Variants in ADGRL2 observed in about 807,000 individuals in gnomAD.
The protein encoded by ADGRL2 is calcium-independent alpha-latrotoxin receptor 2.
In ADGRL2, 44 loss-of-function variants were observed where a neutral mutation model predicts 157.4. The ratio of observed to expected loss-of-function variants is 0.28; its 90% CI spans 0.22 to 0.36. The LOEUF (loss-of-function observed/expected upper bound fraction) is 0.36, where lower values mean the gene tolerates loss of function less well. ADGRL2 is among the 10% of genes least tolerant of loss of function. The pLI is 1.00. For synonymous variants in ADGRL2, 585 were observed against 624.7 expected, an observed-to-expected ratio of 0.94 and a Z score of 0.95; for missense variants, 1,510 against 1,768.9, an observed-to-expected ratio of 0.85 and a Z score of 2.63.
intron 3 of ADGRL2, among the ~76,000 whole-genome samples, chr1:81,652,296 T>C (rs897801631): frequency 8.5e-5 from 13 of 152,202 alleles, no homozygotes; most frequent in African/African-American, 2.9e-4. Context: ...TCCTTATAAA[T>C]GTTAAGTCCA....
At chr1:81,954,632 C>G (rs528112912) in intron 10 of ADGRL2, among the ~76,000 whole-genome samples, 1 of 151,976 alleles carries the variant, frequency 6.6e-6, no homozygotes, top group African/African-American at 2.4e-5. Flanking sequence ...TAATGGCTGC[C>G]GCAGTATCAG....
intron 3 of ADGRL2, among the ~76,000 whole-genome samples, chr1:81,692,145 G>A (rs973854649): frequency 6.6e-6 from 1 of 151,606 alleles, no homozygotes; most frequent in South Asian, 2.1e-4. Context: ...GGTGGCTCAC[G>A]CCTGTAATCC....
At chr1:81,913,713 T>TA (rs1274954858) in intron 3 of ADGRL2, among the ~76,000 whole-genome samples, 1 of 152,102 alleles carries the variant, frequency 6.6e-6, no homozygotes, top group Non-Finnish European at 1.5e-5. Flanking sequence ...TTCTCACTTT[T>TA]AAAAAAATCT....
At chr1:81,987,259 G>T in intron 22 of ADGRL2, 1 of 1,569,216 alleles carries the variant, frequency 6.4e-7, no homozygotes, top group Non-Finnish European at 8.7e-7. Flanking sequence ...TTTTAACACA[G>T]GTGGCATAAA....
intron 1 of ADGRL2, among the ~76,000 whole-genome samples, chr1:81,370,120 T>C (rs1364649787): frequency 6.6e-6 from 1 of 152,086 alleles, no homozygotes; most frequent in African/African-American, 2.4e-5. Context: ...TTGGACACAA[T>C]TTGGAGGGGA....
At chr1:81,874,434 T>C (rs2093775809) in intron 2 of ADGRL2, among the ~76,000 whole-genome samples, 2 of 152,212 alleles carry the variant, frequency 1.3e-5, no homozygotes, top group Admixed American at 6.5e-5. Flanking sequence ...TGAAGGTAAC[T>C]AGAGGTACCT....
intron 1 of ADGRL2, among the ~76,000 whole-genome samples, chr1:81,340,079 T>C (rs1211454658): frequency 2.0e-5 from 3 of 152,184 alleles, no homozygotes; most frequent in Admixed American, 1.3e-4. Context: ...AATTCTTTAA[T>C]AAATGAATGA....
chr1:81,423,996 A>G (rs2077169873), intron 1 of ADGRL2, among the ~76,000 whole-genome samples: 1 of 152,250 alleles, frequency 6.6e-6, no homozygotes, highest in Non-Finnish European at 1.5e-5. Flanking sequence ...TATCTATAAT[A>G]GTTAAGAAGC....
intron 2 of ADGRL2, among the ~76,000 whole-genome samples, chr1:81,456,379 C>T (rs1304471520): frequency 6.6e-6 from 1 of 151,858 alleles, no homozygotes; most frequent in Non-Finnish European, 1.5e-5. Flanking sequence ...CCACCATATC[C>T]AGCTAATTTT....
chr1:81,783,409 C>T (rs1205002208), intron 2 of ADGRL2, among the ~76,000 whole-genome samples: 2 of 152,026 alleles, frequency 1.3e-5, no homozygotes, highest in East Asian at 1.9e-4. Context: ...GGATTACAGG[C>T]GTGAGCCACT....
chr1:81,835,578 C>A (rs1278528678), intron 1 of ADGRL2, among the ~76,000 whole-genome samples: 1 of 152,054 alleles, frequency 6.6e-6, no homozygotes, highest in Non-Finnish European at 1.5e-5. Flanking sequence ...CCATGTGTCT[C>A]CATCAGATTA....
chr1:81,917,599 C>T lies in ADGRL2; in HGVS notation c.287+10369C>T, dbSNP rs61046916. ...AATCAGATATATTGTGAAACTAACA[C>T]GTCACGGTTCTCTCAAAATTTGTTA... On this transcript the variant is annotated intron_variant, in intron 3 of 23. Transcript: ENST00000686636. Among the ~76,000 whole-genome samples, 24 of 152,232 alleles carry T rather than the reference C, an allele frequency of 1.6e-4. No homozygotes were observed. In the East Asian group the frequency reaches 3.1e-3, roughly 20 times the overall value.
At chr1:81,678,357 A>G (rs912929462) in intron 3 of ADGRL2, among the ~76,000 whole-genome samples, 17 of 152,314 alleles carry the variant, frequency 1.1e-4, no homozygotes, top group African/African-American at 4.1e-4. Flanking sequence ...TTATTTTTAT[A>G]GTGTAGTTGT....
intron 3 of ADGRL2, among the ~76,000 whole-genome samples, chr1:81,915,159 C>T (rs1352138430): frequency 2.0e-5 from 3 of 151,994 alleles, no homozygotes; most frequent in Admixed American, 1.3e-4. Flanking sequence ...CACTGCAGCC[C>T]CAGCTTCCCA....
intron 2 of ADGRL2, among the ~76,000 whole-genome samples, chr1:81,447,504 A>C (rs1480353466): frequency 6.6e-6 from 1 of 152,164 alleles, no homozygotes. Context: ...GCATTTCAGG[A>C]AAGTGTCGCT....
At chr1:81,856,409 C>T (rs1261722430) in intron 2 of ADGRL2, among the ~76,000 whole-genome samples, 1 of 152,082 alleles carries the variant, frequency 6.6e-6, no homozygotes, top group Non-Finnish European at 1.5e-5. Context: ...TTGTATGAAG[C>T]CACAGCCTAC....
intron 1 of ADGRL2, among the ~76,000 whole-genome samples, chr1:81,408,429 A>T (rs1214892459): frequency 6.6e-6 from 1 of 152,196 alleles, no homozygotes; most frequent in Non-Finnish European, 1.5e-5. Context: ...ACTTGATAAA[A>T]GTTTTTGTGT....
At chr1:81,533,686 G>A (rs2079660816) in intron 2 of ADGRL2, among the ~76,000 whole-genome samples, 1 of 152,086 alleles carries the variant, frequency 6.6e-6, no homozygotes, top group Admixed American at 6.5e-5. Context: ...TCAGCTACAT[G>A]CATTGAAAGC....
chr1:81,841,675 G>A (rs11163387), intron 2 of ADGRL2, among the ~76,000 whole-genome samples: 21,382 of 151,894 alleles, frequency 0.14, 1,671 homozygotes, highest in East Asian at 0.2. Context: ...ATATGTGCAC[G>A]CGCATACACG....
Sources: allele counts gnomAD v4.1 joint callset (sites outside exome capture counted in the v4.1 genomes callset), GRCh38; gene constraint gnomAD v4.1.1; transcripts MANE v1.5; gene names NCBI Gene and HGNC (gene_info 2026-07-23, HGNC 2026-07-21).